The following FLT1 variants were observed in gnomAD, a reference collection of about 807,000 sequenced individuals.
The protein encoded by FLT1 is vascular endothelial growth factor receptor 1.
In FLT1, 49 loss-of-function variants were observed where a neutral mutation model predicts 156.3. That is an observed-to-expected ratio of 0.31 (90% CI 0.25 to 0.40). FLT1 has a LOEUF of 0.40. Ranked by LOEUF, FLT1 falls within the 10% of genes least tolerant of loss-of-function variation. The probability of loss-of-function intolerance (pLI) is 1.00; values close to 1 mark genes in which losing one functional copy is unlikely to be tolerated. For synonymous variants in FLT1, 594 were observed against 583.8 expected (o/e 1.02, Z -0.25); for missense variants, 1,322 against 1,637.2 (o/e 0.81, Z 3.32).
intron 17 of FLT1, among the ~76,000 whole-genome samples, chr13:28,335,458 T>C (rs1872082920): frequency 2.0e-5 from 3 of 152,224 alleles, no homozygotes; most frequent in Admixed American, 1.3e-4. Flanking sequence ...AAAATTTTCT[T>C]GTAGTTTGTA....
intron 10 of FLT1, among the ~76,000 whole-genome samples, chr13:28,425,557 T>G (rs1418393215): frequency 6.6e-6 from 1 of 152,196 alleles, no homozygotes; most frequent in Non-Finnish European, 1.5e-5. Context: ...TTATGTTCTA[T>G]CACCATAATT....
At chr13:28,339,094 C>G in intron 17 of FLT1, 74 bp downstream of exon 17, 1 of 1,451,246 alleles carries the variant, frequency 6.9e-7, no homozygotes, top group East Asian at 2.3e-5. Flanking sequence ...ACTTTCGCAT[C>G]TCTCAAAGCA....
intron 1 of FLT1, among the ~76,000 whole-genome samples, chr13:28,479,427 G>A (rs896475335): frequency 2.0e-5 from 3 of 152,008 alleles, no homozygotes; most frequent in Non-Finnish European, 4.4e-5. Context: ...TTTTTATTCT[G>A]GGTTTTTCTA....
chr13:28,317,516 T>C lies in FLT1; in HGVS notation c.3368A>G (p.Glu1123Gly). Reference sequence around the variant, plus strand: ...GGCTCACATTTCAGGAGTAGAGTACTCAGGAGCTCTCATCCTCATGCCTTC... The same window carrying C: ...GGCTCACATTTCAGGAGTAGAGTACCCAGGAGCTCTCATCCTCATGCCTTC... ...LREGMRMRAP[E>G]YSTPEIYQIM... The change falls in exon 25 of 30, where the codon GAG (glutamate) becomes GGG (glycine). Residue 1123 changes from glutamate to glycine, a missense_variant. Glu to Gly is a moderately conservative substitution (Grantham distance 98). Around this residue, in one of 3 missense-constraint regions of FLT1, gnomAD observed 329 missense variants for 366.2 expected, o/e 0.90. Transcript: ENST00000282397. 1.9e-6 allele frequency: 3 copies of C among 1,612,164 alleles called. No homozygotes were observed. The highest frequency in any genetic ancestry group is 2.5e-6 in the Non-Finnish European group (3 of 1,178,360).
intron 14 of FLT1, 142 bp downstream of exon 14, chr13:28,384,743 C>T: frequency 1.3e-6 from 1 of 794,368 alleles, no homozygotes; most frequent in Admixed American, 2.0e-5. Flanking sequence ...ACATTGCTAT[C>T]AGCATGAACC....
At chr13:28,385,083 T>A in intron 13 of FLT1, 52 bp from the exon 14 acceptor site, 1 of 1,570,920 alleles carries the variant, frequency 6.4e-7, no homozygotes, top group Non-Finnish European at 8.8e-7. Context: ...TATTCTTGTA[T>A]TGTCTATGCA....
intron 14 of FLT1, chr13:28,368,164 GT>G: frequency 5.6e-6 from 3 of 535,028 alleles, no homozygotes; most frequent in Non-Finnish European, 7.3e-6. Flanking sequence ...TTATTTATTT[GT>G]TTTTTGAGAC....
intron 1 of FLT1, among the ~76,000 whole-genome samples, chr13:28,477,395 G>A (rs142679501): frequency 3.9e-5 from 6 of 152,288 alleles, no homozygotes; most frequent in East Asian, 1.9e-4. Context: ...CTCCTACACC[G>A]CTGGTCTGTT....
At chr13:28,431,765 A>T (rs1434942603) in intron 6 of FLT1, among the ~76,000 whole-genome samples, 1 of 152,186 alleles carries the variant, frequency 6.6e-6, no homozygotes, top group African/African-American at 2.4e-5. Context: ...AACGTGGACA[A>T]TCATAAGCCT....
At chr13:28,432,435 C>A (rs544358053) in intron 6 of FLT1, among the ~76,000 whole-genome samples, 2 of 152,314 alleles carry the variant, frequency 1.3e-5, no homozygotes, top group East Asian at 3.9e-4. Flanking sequence ...ACTGAGGGAG[C>A]TTTCTGCAGC....
intron 14 of FLT1, among the ~76,000 whole-genome samples, chr13:28,369,308 T>A (rs1157759975): frequency 2.0e-5 from 3 of 152,146 alleles, no homozygotes; most frequent in African/African-American, 7.2e-5. Flanking sequence ...TCGGATCACC[T>A]GAGGTCAGGA....
In FLT1 at chr13:28,317,573, T is replaced by C. The variant is rs1171402402; in HGVS notation, c.3311A>G (p.Gln1104Arg). Residue 1104 changes from glutamine to arginine, a missense_variant, in exon 25 of 30, where the codon CAA becomes CGA. This residue lies in a region of FLT1 where 329 missense variants were observed against 366.2 expected (regional missense o/e 0.90). Coordinates refer to ENST00000282397, the MANE Select transcript of FLT1 (RefSeq NM_002019.4). ...GCGACTGCAAAAGTCCTCATCCATTTGTACTCCTGGGTATGGAGACCCACC... is the reference window on the plus strand; with the variant it reads ...GCGACTGCAAAAGTCCTCATCCATTCGTACTCCTGGGTATGGAGACCCACC... ...SLGGSPYPGV[Q>R]MDEDFCSRLR... 6.2e-7 allele frequency: 1 copy of C among 1,613,914 alleles called. No homozygotes were observed. Among genetic ancestry groups the C allele is most frequent in the Non-Finnish European group, 8.5e-7 (1 of 1,179,742 alleles).
intron 14 of FLT1, among the ~76,000 whole-genome samples, chr13:28,377,177 T>A (rs1468940118): frequency 1.3e-5 from 2 of 152,218 alleles, no homozygotes; most frequent in Admixed American, 6.5e-5. Context: ...AGGTCTTAAA[T>A]TACCTTCATC....
At chr13:28,466,478 G>A (rs1244992485) in intron 3 of FLT1, among the ~76,000 whole-genome samples, 2 of 152,124 alleles carry the variant, frequency 1.3e-5, no homozygotes, top group African/African-American at 4.8e-5. Context: ...GCAACATTGC[G>A]TTTATTAATT....
Position 28,473,645 on chromosome 13 carries a change from AAAAG to A in FLT1, c.65-6032_65-6029del, listed in dbSNP as rs760581592. Among the ~76,000 whole-genome samples, 330 of 79,634 alleles carry A rather than the reference AAAAG, an allele frequency of 4.1e-3. 3 individuals are homozygous for A. The highest frequency in any genetic ancestry group is 6.5e-3 in the Middle Eastern group (1 of 154). 52.2% of individuals were successfully genotyped at this position (79,634 alleles called of 152,430 possible). On this transcript the variant is annotated intron_variant, in intron 1 of 29. Transcript: ENST00000282397. Reference sequence around the variant, plus strand: ...GGGTGACAGAGCAAGACTATATCTCAAAAGAAAGAAAGAAAGAAAGAAAGAAAGA... The same window carrying A: ...GGGTGACAGAGCAAGACTATATCTCAAAAGAAAGAAAGAAAGAAAGAAAGA...
chr13:28,304,536 G>A (rs1870658031), intron 29 of FLT1, among the ~76,000 whole-genome samples: 1 of 151,800 alleles, frequency 6.6e-6, no homozygotes, highest in African/African-American at 2.4e-5. Flanking sequence ...AGAGCTTTAT[G>A]GAGATATAAT....
chr13:28,429,626 C>G (rs965362739), intron 8 of FLT1, among the ~76,000 whole-genome samples: 6 of 152,164 alleles, frequency 3.9e-5, no homozygotes, highest in Non-Finnish European at 7.3e-5. Context: ...AGGACTGGAA[C>G]TTTCAACCCA....
At chr13:28,364,549 G>T (rs1259911478) in intron 14 of FLT1, among the ~76,000 whole-genome samples, 1 of 152,028 alleles carries the variant, frequency 6.6e-6, no homozygotes, top group Non-Finnish European at 1.5e-5. Flanking sequence ...TTACTATTTT[G>T]TGTTTTCTTA....
Position 28,303,359 on chromosome 13 carries a change from T to A in FLT1, c.3825A>T (p.Val1275=). ...PKASLKIDLR[V]TSKSKESGLS... The stretch of plus-strand genomic sequence containing the variant: ...GCCCCGACTCCTTACTTTTACTGGT[T>A]ACTCTCAAGCTAAAGAAAGAAAGGA... The change falls in exon 30 of 30, where the codon GTA becomes GTT. Residue 1275 remains valine, a synonymous_variant. Transcript: ENST00000282397. 1 of 1,613,892 alleles carries A rather than the reference T, an allele frequency of 6.2e-7. No individual in the cohort carries two copies. Among genetic ancestry groups the A allele is most frequent in the Non-Finnish European group, 8.5e-7 (1 of 1,179,880 alleles).
Sources: allele counts gnomAD v4.1 joint callset (sites outside exome capture counted in the v4.1 genomes callset), GRCh38; gene constraint gnomAD v4.1.1; regional missense constraint gnomAD v4.1.1; transcripts MANE v1.5; gene names NCBI Gene and HGNC (gene_info 2026-07-23, HGNC 2026-07-21).